The following ST3GAL3 variants were observed in gnomAD, a reference collection of about 807,000 sequenced individuals.
The protein encoded by ST3GAL3 is ST3 beta-galactoside alpha-2,3-sialyltransferase 3.
A neutral mutation model predicts 50.1 loss-of-function variants in ST3GAL3; 21 were observed. The observed-to-expected ratio is 0.42, with a 90% confidence interval of 0.30 to 0.60. The LOEUF is 0.60. ST3GAL3 is among the 20% of genes least tolerant of loss of function. The probability of loss-of-function intolerance (pLI) is 0.19; values close to 1 mark genes in which losing one functional copy is unlikely to be tolerated. For synonymous variants in ST3GAL3, 183 were observed against 190.0 expected (o/e 0.96, Z 0.30); for missense variants, 353 against 489.4 (o/e 0.72, Z 2.63).
chr1:43,826,727 T>C (rs2062852729), intron 4 of ST3GAL3, among the ~76,000 whole-genome samples: 1 of 152,184 alleles, frequency 6.6e-6, no homozygotes, highest in Non-Finnish European at 1.5e-5. Flanking sequence ...CAGCAATGTA[T>C]AAAAAGAATT....
intron 9 of ST3GAL3, among the ~76,000 whole-genome samples, chr1:43,904,958 C>A (rs2078990049): frequency 9.3e-6 from 1 of 107,030 alleles, no homozygotes; most frequent in Non-Finnish European, 2.0e-5. Context: ...TGCCACTCTT[C>A]CTCCCCTTCC....
intron 9 of ST3GAL3, among the ~76,000 whole-genome samples, chr1:43,900,562 G>A (rs1035894326): frequency 2.6e-5 from 4 of 152,146 alleles, no homozygotes; most frequent in African/African-American, 9.7e-5. Flanking sequence ...CAGGGGTGGG[G>A]TACTGCAGAG....
chr1:43,792,261 T>C, intron 3 of ST3GAL3, 112 bp downstream of exon 3: 7 of 1,371,600 alleles, frequency 5.1e-6, no homozygotes, highest in East Asian at 2.3e-5. Context: ...TATCCCAGAA[T>C]TGGGGGAAGT....
intron 1 of ST3GAL3, among the ~76,000 whole-genome samples, chr1:43,720,110 TC>T (rs1669673950): frequency 6.6e-6 from 1 of 152,034 alleles, no homozygotes; most frequent in African/African-American, 2.4e-5. Flanking sequence ...AGGCATGTAG[TC>T]CCAGCTGCTG....
At chr1:43,779,736 C>A (rs1698731663) in intron 2 of ST3GAL3, among the ~76,000 whole-genome samples, 1 of 152,206 alleles carries the variant, frequency 6.6e-6, no homozygotes, top group Non-Finnish European at 1.5e-5. Flanking sequence ...ACCATAGAAA[C>A]ACTATTCATA....
At position 43,752,108 on chromosome 1, in the gene ST3GAL3, C is replaced by G. The variant is rs150005966; in HGVS notation, c.118+15728C>G. On this transcript the variant is annotated intron_variant, in intron 2 of 11. Coordinates refer to ENST00000347631, the MANE Select transcript of ST3GAL3 (RefSeq NM_006279.5). ...CGGGGATTACAGGTGTGAGCCACTG[C>G]GCCCGGCCTAAATTTTTTGAACATT... is the stretch of plus-strand genomic sequence containing the variant. 9.4e-3 allele frequency among the ~76,000 whole-genome samples: 1,437 copies of G among 152,256 alleles called. 27 individuals carry two copies. Among genetic ancestry groups the G allele is most frequent in the African/African-American group, 0.034 (1,400 of 41,538 alleles).
At chr1:43,861,079 G>A (rs904058139) in intron 5 of ST3GAL3, among the ~76,000 whole-genome samples, 1 of 152,216 alleles carries the variant, frequency 6.6e-6, no homozygotes, top group Non-Finnish European at 1.5e-5. Flanking sequence ...TCTCAGCAAA[G>A]ATGGAATACA....
chr1:43,772,103 G>T, intron 2 of ST3GAL3: 1 of 397,250 alleles, frequency 2.5e-6, no homozygotes. Context: ...TTGCTGGAGT[G>T]TGATGGCATA....
At chr1:43,920,368 G>A (rs570391031) in intron 9 of ST3GAL3, 36 bp from the exon 10 acceptor site, 3 of 1,613,806 alleles carry the variant, frequency 1.9e-6, no homozygotes, top group Non-Finnish European at 2.5e-6. Context: ...CCCTTGCTGT[G>A]TGCCTCGTTG....
At chr1:43,906,266 C>T (rs1280790740) in intron 9 of ST3GAL3, among the ~76,000 whole-genome samples, 1 of 137,734 alleles carries the variant, frequency 7.3e-6, no homozygotes, top group African/African-American at 2.8e-5. Flanking sequence ...CCCCTGACTC[C>T]TCCTCCTCCT....
At chr1:43,724,228 T>TGA (rs1396687128) in intron 1 of ST3GAL3, among the ~76,000 whole-genome samples, 3 of 152,048 alleles carry the variant, frequency 2.0e-5, no homozygotes, top group Non-Finnish European at 4.4e-5. Flanking sequence ...ATTTATTTTT[T>TGA]GAGATAGGGT....
intron 1 of ST3GAL3, among the ~76,000 whole-genome samples, chr1:43,731,089 G>C (rs1675545072): frequency 6.6e-6 from 1 of 151,818 alleles, no homozygotes; most frequent in East Asian, 1.9e-4. Context: ...CTGGAGTACA[G>C]TGGTGCAACC....
At chr1:43,856,155 A>G (rs1352367950) in intron 5 of ST3GAL3, among the ~76,000 whole-genome samples, 1 of 152,254 alleles carries the variant, frequency 6.6e-6, no homozygotes, top group Non-Finnish European at 1.5e-5. Flanking sequence ...CAGTTGTCCA[A>G]AGAGCCAAGA....
chr1:43,814,292 C>T (rs1414599172), intron 3 of ST3GAL3, among the ~76,000 whole-genome samples: 1 of 152,220 alleles, frequency 6.6e-6, no homozygotes, highest in Non-Finnish European at 1.5e-5. Flanking sequence ...CTGCTTCAAC[C>T]TCATTTTAGA....
chr1:43,759,016 C>T lies in ST3GAL3; in HGVS notation c.118+22636C>T, dbSNP rs1009688641. The stretch of plus-strand genomic sequence containing the variant: ...TTATGATCATATCACAGCCCTCCAG[C>T]GTGGGCAACAGAGCGAGACTGTCTC... On this transcript the variant is annotated intron_variant, in intron 2 of 11. Transcript: ENST00000347631. 4.0e-5 allele frequency among the ~76,000 whole-genome samples: 6 copies of T among 149,424 alleles called. No individual in the cohort carries two copies. The East Asian group carries it at 6.0e-4, about 15-fold the overall frequency.
At chr1:43,810,763 G>A (rs535296615) in intron 3 of ST3GAL3, among the ~76,000 whole-genome samples, 98 of 152,048 alleles carry the variant, frequency 6.4e-4, no homozygotes, top group Admixed American at 1.3e-3. Context: ...GGCGAGGGGC[G>A]AATGCAATCC....
chr1:43,880,007 T>G (rs945899135), intron 5 of ST3GAL3, among the ~76,000 whole-genome samples: 7 of 152,230 alleles, frequency 4.6e-5, no homozygotes, highest in African/African-American at 7.2e-5. Flanking sequence ...CCAGCCTCTG[T>G]GCACAGCTTA....
chr1:43,927,674 G>A (rs2084249864), intron 11 of ST3GAL3, among the ~76,000 whole-genome samples: 1 of 152,206 alleles, frequency 6.6e-6, no homozygotes, highest in African/African-American at 2.4e-5. Flanking sequence ...CCTACTCTGT[G>A]CCTAACAGTC....
At chr1:43,851,484 C>T in intron 5 of ST3GAL3, 1 of 1,599,488 alleles carries the variant, frequency 6.3e-7, no homozygotes, top group Non-Finnish European at 8.6e-7. Flanking sequence ...AAAGTCAGTC[C>T]TGCCTTAGTA....
Sources: allele counts gnomAD v4.1 joint callset (sites outside exome capture counted in the v4.1 genomes callset), GRCh38; gene constraint gnomAD v4.1.1; transcripts MANE v1.5; gene names NCBI Gene and HGNC (gene_info 2026-07-23, HGNC 2026-07-21).